COP1: variants seen among roughly 807,000 people sequenced by gnomAD.
COP1 encodes COP1 E3 ubiquitin ligase.
A neutral mutation model predicts 101.3 loss-of-function variants in COP1; 24 were observed. That is an observed-to-expected ratio of 0.24 (90% CI 0.17 to 0.33). The LOEUF is 0.33. Ranked by LOEUF, COP1 falls within the 10% of genes least tolerant of loss-of-function variation. COP1 has a pLI of 1.00. For synonymous variants in COP1, 347 were observed against 341.9 expected (o/e 1.01, Z -0.17); for missense variants, 663 against 906.2 (o/e 0.73, Z 3.45).
chr1:176,027,325 A>C (rs1196420498), intron 15 of COP1, among the ~76,000 whole-genome samples: 1 of 152,222 alleles, frequency 6.6e-6, no homozygotes, highest in Non-Finnish European at 1.5e-5. Context: ...ATGCATATAA[A>C]CACTAAGAAA....
chr1:176,074,221 C>T (rs1482872056), intron 11 of COP1, among the ~76,000 whole-genome samples: 1 of 152,232 alleles, frequency 6.6e-6, no homozygotes, highest in Non-Finnish European at 1.5e-5. Flanking sequence ...GCCACCTCAC[C>T]TGGCCTCTTT....
chr1:176,155,803 TA>T (rs1177475214), intron 5 of COP1, among the ~76,000 whole-genome samples: 26 of 151,974 alleles, frequency 1.7e-4, no homozygotes, highest in African/African-American at 5.8e-4. Context: ...AGAAGGATGG[TA>T]AAAATGACTA....
chr1:176,193,906 C>T (rs1699373919), intron 1 of COP1, among the ~76,000 whole-genome samples: 1 of 152,130 alleles, frequency 6.6e-6, no homozygotes, highest in African/African-American at 2.4e-5. Context: ...GTACTAAAAA[C>T]ACAACTTTAA....
At chr1:175,965,828 C>T (rs535988957) in intron 18 of COP1, among the ~76,000 whole-genome samples, 6 of 152,206 alleles carry the variant, frequency 3.9e-5, no homozygotes, top group South Asian at 2.1e-4. Flanking sequence ...GTGACCCACC[C>T]GCCTCAGCCT....
chr1:176,003,712 T>G (rs1418289448), intron 15 of COP1, among the ~76,000 whole-genome samples: 2 of 151,728 alleles, frequency 1.3e-5, no homozygotes, highest in Non-Finnish European at 2.9e-5. Flanking sequence ...TGATCTATAT[T>G]TCTGTTTTGG....
At chr1:176,043,645 G>T in intron 13 of COP1, 65 bp downstream of exon 13, 1 of 921,268 alleles carries the variant, frequency 1.1e-6, no homozygotes, top group Non-Finnish European at 1.8e-6. Context: ...GGCACATGAA[G>T]TTCTAAAAGT....
chr1:175,990,422 CTG>C (rs1252733860), intron 15 of COP1, among the ~76,000 whole-genome samples: 1 of 152,064 alleles, frequency 6.6e-6, no homozygotes, highest in East Asian at 1.9e-4. Flanking sequence ...CCCCTGGAGA[CTG>C]TTACTAACAC....
intron 15 of COP1, among the ~76,000 whole-genome samples, chr1:176,006,482 G>A (rs7349083): frequency 0.069 from 10,571 of 152,234 alleles, 461 homozygotes; most frequent in Admixed American, 0.087. Context: ...TGCAGTGGCT[G>A]GTATGGGTTG....
intron 8 of COP1, among the ~76,000 whole-genome samples, chr1:176,125,514 T>C (rs1229779416): frequency 6.6e-6 from 1 of 152,204 alleles, no homozygotes; most frequent in Non-Finnish European, 1.5e-5. Context: ...CTTAGCAACT[T>C]TGTCAAAAAC....
chr1:176,113,772 A>T (rs1685696284), intron 9 of COP1, among the ~76,000 whole-genome samples: 1 of 152,158 alleles, frequency 6.6e-6, no homozygotes, highest in Non-Finnish European at 1.5e-5. Context: ...AATTTGTGGG[A>T]GAGTTCAAGA....
chr1:176,060,272 A>C (rs1571995694), intron 11 of COP1, among the ~76,000 whole-genome samples: 1 of 152,210 alleles, frequency 6.6e-6, no homozygotes, highest in East Asian at 1.9e-4. Context: ...ACTTTTGTGA[A>C]TATCAAGTGT....
chr1:175,960,803 TA>T (rs1333937764), intron 18 of COP1, among the ~76,000 whole-genome samples: 1 of 152,114 alleles, frequency 6.6e-6, no homozygotes, highest in African/African-American at 2.4e-5. Flanking sequence ...GTGTGATGGG[TA>T]ATTTTAGGTT....
chr1:176,165,332 T>G (rs1330313962), intron 3 of COP1, among the ~76,000 whole-genome samples: 3 of 148,538 alleles, frequency 2.0e-5, no homozygotes, highest in South Asian at 2.1e-4. Flanking sequence ...GAAGAAAAAT[T>G]CAGGTGAGAG....
intron 3 of COP1, among the ~76,000 whole-genome samples, chr1:176,165,833 T>C (rs546804675): frequency 1.3e-5 from 2 of 152,276 alleles, no homozygotes; most frequent in African/African-American, 4.8e-5. Flanking sequence ...GGGCCTGAAC[T>C]GCAGATACCT....
chr1:176,042,346 C>T (rs1307006218), intron 14 of COP1, among the ~76,000 whole-genome samples: 7 of 148,598 alleles, frequency 4.7e-5, no homozygotes, highest in African/African-American at 1.7e-4. Context: ...GGGCAGATCA[C>T]TTGAGGTCAG....
chr1:176,059,797 A>G (rs2149289742), intron 11 of COP1, among the ~76,000 whole-genome samples: 1 of 152,326 alleles, frequency 6.6e-6, no homozygotes, highest in Non-Finnish European at 1.5e-5. Context: ...ATGTCAGAAC[A>G]GCGTCAGTGG....
intron 14 of COP1, among the ~76,000 whole-genome samples, chr1:176,037,626 G>A (rs1557975158): frequency 6.6e-6 from 1 of 151,872 alleles, no homozygotes; most frequent in Non-Finnish European, 1.5e-5. Context: ...GTTTATCCTG[G>A]GAATGTATGG....
chr1:176,099,389 A>C (rs1378627878), intron 9 of COP1, among the ~76,000 whole-genome samples: 1 of 152,184 alleles, frequency 6.6e-6, no homozygotes, highest in African/African-American at 2.4e-5. Context: ...TTTTGCTTGG[A>C]ATATTGCTGA....
intron 18 of COP1, among the ~76,000 whole-genome samples, chr1:175,957,348 T>C (rs1402447256): frequency 6.6e-6 from 1 of 152,106 alleles, no homozygotes; most frequent in Admixed American, 6.5e-5. Context: ...ATTTTTACTA[T>C]AGCTTTTCTG....
Sources: allele counts gnomAD v4.1 joint callset (sites outside exome capture counted in the v4.1 genomes callset), GRCh38; gene constraint gnomAD v4.1.1; transcripts MANE v1.5; gene names NCBI Gene and HGNC (gene_info 2026-07-23, HGNC 2026-07-21).